Variants in FSTL4 observed in about 807,000 individuals in gnomAD.
The protein encoded by FSTL4 is follistatin like 4, also known as follistatin-related protein 4.
FSTL4 carries 28 observed loss-of-function variants against 78.2 expected under a neutral mutation model. The observed-to-expected ratio is 0.36, with a 90% CI of 0.27 to 0.49. The LOEUF is 0.49. FSTL4 is among the 20% of genes least tolerant of loss of function. The probability of loss-of-function intolerance (pLI) is 0.98; values close to 1 mark genes in which losing one functional copy is unlikely to be tolerated. For synonymous variants in FSTL4, 422 were observed against 440.5 expected (o/e 0.96, Z 0.53); for missense variants, 922 against 1,084.9 (o/e 0.85, Z 2.11).
At chr5:133,568,997 A>ATCC (rs1760091153) in intron 2 of FSTL4, among the ~76,000 whole-genome samples, 1 of 152,046 alleles carries the variant, frequency 6.6e-6, no homozygotes, top group African/African-American at 2.4e-5. Context: ...GCGTATTTTG[A>ATCC]ATATTTCTTT....
rs546514648 is a variant in FSTL4, at chr5:133,440,224, G to A, written c.161-39238C>T. On this transcript the variant is annotated intron_variant, in intron 3 of 15. Transcript: ENST00000265342. The surrounding 1 kb of genome is among the most constrained non-coding windows in gnomAD (Gnocchi z 4.1). Reference sequence around the variant, plus strand: ...CGCTGTGGAGGGAGAGGGCCTCAGCGGGCAAGGTGGGCCGCTGACAAGGTG... The same window carrying A: ...CGCTGTGGAGGGAGAGGGCCTCAGCAGGCAAGGTGGGCCGCTGACAAGGTG... 3.8e-4 allele frequency among the ~76,000 whole-genome samples: 58 copies of A among 152,278 alleles called. No individual in the cohort carries two copies. Among genetic ancestry groups the A allele is most frequent in the African/African-American group, 1.3e-3 (55 of 41,552 alleles).
At chr5:133,347,269 G>T (rs1580637487) in intron 4 of FSTL4, among the ~76,000 whole-genome samples, 1 of 152,224 alleles carries the variant, frequency 6.6e-6, no homozygotes, top group Admixed American at 6.5e-5. Flanking sequence ...GTCGGGAGGT[G>T]TGTCACACAG....
chr5:133,515,218 A>G (rs1758828969), intron 3 of FSTL4, among the ~76,000 whole-genome samples: 1 of 152,142 alleles, frequency 6.6e-6, no homozygotes. Context: ...AATTCCTAAT[A>G]ATAATAGAAA....
intron 4 of FSTL4, among the ~76,000 whole-genome samples, chr5:133,342,932 C>T (rs926255727): frequency 2.6e-5 from 4 of 152,094 alleles, no homozygotes; most frequent in African/African-American, 4.8e-5. Context: ...TGATTGCTCA[C>T]GGATCCTTAT....
intron 11 of FSTL4, among the ~76,000 whole-genome samples, chr5:133,221,365 A>ACC (rs1751096312): frequency 1.3e-5 from 2 of 151,834 alleles, no homozygotes; most frequent in African/African-American, 4.8e-5. Flanking sequence ...GTGCTGGCCA[A>ACC]CCCCTCTTTC....
intron 15 of FSTL4, among the ~76,000 whole-genome samples, chr5:133,201,607 CA>C (rs1257906165): frequency 2.6e-5 from 4 of 152,218 alleles, no homozygotes; most frequent in Non-Finnish European, 5.9e-5. Context: ...GTCTAGCAAG[CA>C]GAGGGTGCTC....
chr5:133,686,214 G>C, the FSTL4 span, among the ~76,000 whole-genome samples: 3 of 152,204 alleles, frequency 2.0e-5, no homozygotes, highest in African/African-American at 7.2e-5. Flanking sequence ...CCAGACCCCA[G>C]AGTCAGACTG....
At chr5:133,737,277 G>A in the FSTL4 span, among the ~76,000 whole-genome samples, 1 of 151,600 alleles carries the variant, frequency 6.6e-6, no homozygotes, top group East Asian at 2.0e-4. Context: ...CCAGCCTCTG[G>A]TAACAATCCT....
intron 2 of FSTL4, among the ~76,000 whole-genome samples, chr5:133,571,396 G>A (rs905262863): frequency 1.3e-5 from 2 of 152,088 alleles, no homozygotes; most frequent in Admixed American, 6.5e-5. Flanking sequence ...AAATTACCAG[G>A]CATAGCACGA....
At chr5:133,657,770 T>G in the FSTL4 span, among the ~76,000 whole-genome samples, 7 of 108,728 alleles carry the variant, frequency 6.4e-5, no homozygotes, top group African/African-American at 1.7e-4. Context: ...TTTTTTGTTT[T>G]TTTTGTTTTT....
chr5:133,601,104 G>C (rs929111907), intron 2 of FSTL4, among the ~76,000 whole-genome samples: 1 of 152,184 alleles, frequency 6.6e-6, no homozygotes, highest in African/African-American at 2.4e-5. Flanking sequence ...TCACAGATTT[G>C]CTGGGGAAAA....
intron 4 of FSTL4, among the ~76,000 whole-genome samples, chr5:133,334,881 C>G (rs1474424285): frequency 3.3e-5 from 5 of 152,054 alleles, no homozygotes; most frequent in Admixed American, 6.5e-5. Flanking sequence ...GGGGAGGAGG[C>G]TGGGTGGGGG....
chr5:133,435,097 A>G (rs1378044338), intron 3 of FSTL4, among the ~76,000 whole-genome samples: 3 of 152,246 alleles, frequency 2.0e-5, no homozygotes, highest in Admixed American at 6.5e-5. Context: ...ATGTCATCAA[A>G]TATATCAACC....
intron 6 of FSTL4, among the ~76,000 whole-genome samples, chr5:133,274,308 T>C (rs1752829628): frequency 6.6e-6 from 1 of 150,976 alleles, no homozygotes; most frequent in South Asian, 2.1e-4. Flanking sequence ...TGCAAAATCT[T>C]AATGCCCTTC....
At chr5:133,802,944 C>A in the FSTL4 span, among the ~76,000 whole-genome samples, 1 of 152,164 alleles carries the variant, frequency 6.6e-6, no homozygotes, top group Non-Finnish European at 1.5e-5. Flanking sequence ...GGAGAGGAGG[C>A]TTGCTTTCCA....
chr5:133,396,333 T>C (rs1332895547), intron 4 of FSTL4, among the ~76,000 whole-genome samples: 1 of 152,168 alleles, frequency 6.6e-6, no homozygotes, highest in Non-Finnish European at 1.5e-5. Context: ...TTATCCCCAT[T>C]TTACAGATGA....
the FSTL4 span, among the ~76,000 whole-genome samples, chr5:133,750,789 T>A: frequency 2.0e-5 from 3 of 152,206 alleles, no homozygotes; most frequent in Admixed American, 6.5e-5. Flanking sequence ...CTATGATTAG[T>A]CCTGGAAGCT....
At chr5:133,309,292 C>A (rs529192057) in intron 6 of FSTL4, among the ~76,000 whole-genome samples, 1 of 152,092 alleles carries the variant, frequency 6.6e-6, no homozygotes, top group South Asian at 2.1e-4. Context: ...GGACACTGAG[C>A]CTTTAGTTCC....
the FSTL4 span, among the ~76,000 whole-genome samples, chr5:133,834,853 A>G: frequency 3.3e-5 from 5 of 152,088 alleles, no homozygotes; most frequent in South Asian, 8.3e-4. Flanking sequence ...GACTGAAAAT[A>G]TCTTTATGAT....
Sources: allele counts gnomAD v4.1 joint callset (sites outside exome capture counted in the v4.1 genomes callset), GRCh38; gene constraint gnomAD v4.1.1; non-coding constraint Gnocchi (gnomAD v3.1); transcripts MANE v1.5; gene names NCBI Gene and HGNC (gene_info 2026-07-23, HGNC 2026-07-21).